ASTN2: variants seen among roughly 807,000 people sequenced by gnomAD.
ASTN2 encodes the protein astrotactin-2.
In ASTN2, 54 loss-of-function variants were observed where a neutral mutation model predicts 139.8. That is an observed-to-expected ratio of 0.39 (90% CI 0.31 to 0.48). The LOEUF is 0.48. Among genes scored for constraint, ASTN2 ranks in the 20% least tolerant of loss-of-function variants. The probability of loss-of-function intolerance (pLI) is 0.95; values close to 1 mark genes in which losing one functional copy is unlikely to be tolerated. For missense variants in ASTN2, 1,565 were observed against 1,725.1 expected (o/e 0.91, Z 1.64); for synonymous variants, 756 against 719.5 (o/e 1.05, Z -0.81).
chr9:116,879,059 C>T (rs1223018884), intron 10 of ASTN2, among the ~76,000 whole-genome samples: 1 of 152,028 alleles, frequency 6.6e-6, no homozygotes, highest in Non-Finnish European at 1.5e-5. Flanking sequence ...CAGCATTAGA[C>T]AGTAAATGGG....
intron 10 of ASTN2, among the ~76,000 whole-genome samples, chr9:116,929,972 T>C (rs181143536): frequency 2.0e-5 from 3 of 152,186 alleles, no homozygotes; most frequent in African/African-American, 7.2e-5. Flanking sequence ...CAGCTGTCAG[T>C]CCCCTGATAC....
At position 117,063,318 on chromosome 9, in the gene ASTN2, C is replaced by G. The variant is rs564165222; in HGVS notation, c.1277-23353G>C. Among the ~76,000 whole-genome samples, 3 of 152,306 alleles carry G rather than the reference C, an allele frequency of 2.0e-5. No homozygotes were observed. The East Asian group carries it at 5.8e-4, about 29-fold the overall frequency. ...TGTCCCCACCCAAATCTCACTTGAA[C>G]TGTACTCCCATAATTCCCATGTATT... On this transcript the variant is annotated intron_variant, in intron 5 of 22. Coordinates refer to ENST00000313400, the MANE Select transcript of ASTN2 (RefSeq NM_001365068.1).
At chr9:117,110,427 A>G (rs556830798) in intron 4 of ASTN2, among the ~76,000 whole-genome samples, 25 of 152,340 alleles carry the variant, frequency 1.6e-4, no homozygotes, top group African/African-American at 6.0e-4. Context: ...GGGAATGGTT[A>G]ATGATGTTAG....
At chr9:116,947,689 C>T (rs781166263) in intron 10 of ASTN2, among the ~76,000 whole-genome samples, 7 of 152,142 alleles carry the variant, frequency 4.6e-5, no homozygotes, top group Non-Finnish European at 7.3e-5. Context: ...TTCCATGAAC[C>T]ATTGGAGAGT....
At chr9:117,037,877 G>A (rs1172763365) in intron 6 of ASTN2, among the ~76,000 whole-genome samples, 1 of 152,054 alleles carries the variant, frequency 6.6e-6, no homozygotes, top group African/African-American at 2.4e-5. Context: ...ATTTGCTTCT[G>A]TAAATTTTGT....
chr9:116,452,238 TATTGGACAGC>T (rs1287432820), intron 20 of ASTN2, among the ~76,000 whole-genome samples: 15 of 152,218 alleles, frequency 9.9e-5, no homozygotes, highest in Non-Finnish European at 2.1e-4. Flanking sequence ...CTTTATTATA[TATTGGACAGC>T]ATCTCTGAAC....
chr9:116,799,822 G>A (rs1830797532), intron 13 of ASTN2, among the ~76,000 whole-genome samples: 1 of 152,064 alleles, frequency 6.6e-6, no homozygotes, highest in Non-Finnish European at 1.5e-5. Flanking sequence ...CAAAGGAAAG[G>A]GGATTCTGAC....
chr9:116,778,533 C>T (rs1251903899), intron 13 of ASTN2, among the ~76,000 whole-genome samples: 1 of 152,110 alleles, frequency 6.6e-6, no homozygotes, highest in Non-Finnish European at 1.5e-5. Context: ...TGAAGATACC[C>T]TCCATGGTAT....
chr9:116,988,676 C>G (rs1836752400), intron 7 of ASTN2, among the ~76,000 whole-genome samples: 1 of 152,056 alleles, frequency 6.6e-6, no homozygotes, highest in South Asian at 2.1e-4. Flanking sequence ...AGTCAGAGCC[C>G]CTCACCTCAA....
chr9:116,718,758 A>C (rs549208052), intron 16 of ASTN2, among the ~76,000 whole-genome samples: 51 of 151,740 alleles, frequency 3.4e-4, no homozygotes, highest in African/African-American at 1.2e-3. Flanking sequence ...GTTGGATCTC[A>C]AGCCTGCCAG....
At chr9:116,724,943 A>G (rs1371920951) in intron 16 of ASTN2, among the ~76,000 whole-genome samples, 1 of 152,184 alleles carries the variant, frequency 6.6e-6, no homozygotes, top group Non-Finnish European at 1.5e-5. Context: ...TGTGTCTATG[A>G]GTACTTGATG....
At chr9:116,763,171 A>C (rs1391621815) in intron 13 of ASTN2, among the ~76,000 whole-genome samples, 1 of 152,150 alleles carries the variant, frequency 6.6e-6, no homozygotes, top group African/African-American at 2.4e-5. Context: ...GTAGAGATTG[A>C]GACAATCTTG....
At chr9:116,753,437 T>C (rs1384821241) in intron 13 of ASTN2, among the ~76,000 whole-genome samples, 2 of 152,194 alleles carry the variant, frequency 1.3e-5, no homozygotes, top group African/African-American at 2.4e-5. Context: ...ACTATCATGG[T>C]GGTTACATGA....
At position 116,851,057 on chromosome 9, in the gene ASTN2, G is replaced by T. The variant is rs917311952; in HGVS notation, c.2040+12526C>A. ...TTACACAGCAGTACTTAGTTGTTGA[G>T]CTCTGAATGCAGCTAAAATTCAACT... On this transcript the variant is annotated intron_variant, in intron 11 of 22. Coordinates refer to ENST00000313400, the MANE Select transcript of ASTN2 (RefSeq NM_001365068.1). Among the ~76,000 whole-genome samples, 9 of 152,264 alleles carry T rather than the reference G, an allele frequency of 5.9e-5. No individual in the cohort carries two copies. The East Asian group carries it at 1.7e-3, about 29-fold the overall frequency.
chr9:117,243,465 C>T (rs577624984), intron 2 of ASTN2, among the ~76,000 whole-genome samples: 2 of 152,290 alleles, frequency 1.3e-5, no homozygotes, highest in Non-Finnish European at 2.9e-5. Context: ...TTCATGTTTA[C>T]AATTCCTTCA....
intron 2 of ASTN2, among the ~76,000 whole-genome samples, chr9:117,231,630 A>T (rs973747182): frequency 1.4e-4 from 22 of 152,190 alleles, no homozygotes; most frequent in Non-Finnish European, 2.9e-4. Flanking sequence ...TCACTGGTGA[A>T]GTCCAAGAAG....
chr9:117,281,423 G>A (rs896120039), intron 2 of ASTN2, among the ~76,000 whole-genome samples: 1 of 152,190 alleles, frequency 6.6e-6, no homozygotes, highest in Non-Finnish European at 1.5e-5. Context: ...GGGAAGGAGG[G>A]AGAAAGGTGG....
At chr9:117,212,597 A>T (rs1184994023) in intron 3 of ASTN2, among the ~76,000 whole-genome samples, 1 of 150,606 alleles carries the variant, frequency 6.6e-6, no homozygotes, top group Non-Finnish European at 1.5e-5. Flanking sequence ...AAACAAAAAA[A>T]CCCTCCAATC....
At chr9:116,839,883 T>TTTA (rs1832152100) in intron 11 of ASTN2, among the ~76,000 whole-genome samples, 1 of 98,000 alleles carries the variant, frequency 1.0e-5, no homozygotes, top group South Asian at 2.8e-4. Context: ...TTATTATTAT[T>TTTA]TTTTTTTTTT....
Sources: gnomAD v4.1 joint callset for allele counts (sites outside exome capture counted in the v4.1 genomes callset) on GRCh38, gnomAD v4.1.1 for gene constraint, MANE v1.5 for transcripts, NCBI Gene and HGNC (gene_info 2026-07-23, HGNC 2026-07-21) for gene names.